COL5A1: variants seen among roughly 807,000 people sequenced by gnomAD.
COL5A1 encodes the protein collagen alpha-1(V) chain.
COL5A1 carries 16 observed loss-of-function variants against 263.7 expected under a neutral mutation model. That is an observed-to-expected ratio of 0.06 (90% CI 0.04 to 0.09). The LOEUF (loss-of-function observed/expected upper bound fraction) is 0.09. Ranked by LOEUF, COL5A1 falls within the 10% of genes least tolerant of loss-of-function variation. The pLI, the probability that COL5A1 is intolerant of heterozygous loss-of-function variation, is 1.00. For synonymous variants in COL5A1, 1,012 were observed against 1,004.5 expected (o/e 1.01, Z -0.14); for missense variants, 2,036 against 2,540.5 (o/e 0.80, Z 4.27).
intron 37 of COL5A1, among the ~76,000 whole-genome samples, chr9:134,800,749 CAAAAAAAAAAAAA>C (rs397951217): frequency 1.2e-5 from 1 of 81,602 alleles, no homozygotes; most frequent in South Asian, 6.1e-4. Context: ...CTGTCTCAAA[CAAAAAAAAAAAAA>C]AAAAAAAAAA....
At position 134,818,950 on chromosome 9, in the gene COL5A1, A is replaced by C. The variant is rs916702411; in HGVS notation, c.4392+49A>C. ...GCATAGCGGGTGGGATGACTTCGCC[A>C]CCCAAAGCCCCAAGGATGAGGACTC... On this transcript the variant is annotated intron_variant, in intron 56 of 65. Transcript: ENST00000371817. This position sits in a 1 kb window ranked among gnomAD's most constrained non-coding sequence, Gnocchi z 6.0. The C allele has an allele frequency of 4.3e-6, 7 of 1,613,086 alleles. No homozygotes were observed. Among genetic ancestry groups the C allele is most frequent in the Non-Finnish European group, 5.9e-6 (7 of 1,179,782 alleles).
rs113810157 is a variant in COL5A1 at position 134,829,848 on chromosome 9, C to A, written c.5068-128C>A. ...ACTGAAGGCGCTCGGTGGGTCCTCCCTGCAGCCCCCCCGGCGTGAGGATGC... is the reference window on the plus strand; with the variant it reads ...ACTGAAGGCGCTCGGTGGGTCCTCCATGCAGCCCCCCCGGCGTGAGGATGC... On this transcript the variant is annotated intron_variant, in intron 63 of 65. Transcript: ENST00000371817. 2.8e-3 allele frequency: 2,938 copies of A among 1,051,692 alleles called. 50 individuals are homozygous for A. In the African/African-American group the frequency reaches 0.04, roughly 14 times the overall value. The allele number at this position is 1,051,692 out of a possible 1,614,324, so 65.1% of individuals were successfully genotyped here.
Position 134,756,806 on chromosome 9 carries a change from A to G in COL5A1, c.1869A>G (p.Gln623=). 6.2e-7 allele frequency: 1 copy of G among 1,613,998 alleles called. No homozygotes were observed. The highest frequency in any genetic ancestry group is 8.5e-7 in the Non-Finnish European group (1 of 1,179,996). Residue 623 remains glutamine, a synonymous_variant, in exon 17 of 66, where the codon CAA becomes CAG. Coordinates refer to ENST00000371817, the MANE Select transcript of COL5A1 (RefSeq NM_000093.5). The part of the protein sequence containing the change: ...GSDGARGMPG[Q]TGPKGDRGFD... ...ATGGAGCCAGAGGAATGCCTGGACA[A>G]ACTGGCCCCAAGGTAGGTCACCCAC...
intron 30 of COL5A1, 66 bp downstream of exon 30, chr9:134,785,162 C>T (rs1010647999): frequency 3.2e-5 from 44 of 1,364,118 alleles, no homozygotes; most frequent in East Asian, 4.6e-5. Context: ...CCCATGGCCT[C>T]GGGCTCCCGT....
In COL5A1 at chr9:134,700,764, C is replaced by T. The variant is rs879771661; in HGVS notation, c.492-407C>T. Among the ~76,000 whole-genome samples, 6 of 152,202 alleles carry T rather than the reference C, an allele frequency of 3.9e-5. No homozygotes were observed. Among genetic ancestry groups the T allele is most frequent in the African/African-American group, 7.2e-5 (3 of 41,440 alleles). Reference sequence around the variant, plus strand: ...GTTCAGAGGGCACGTGACAAGTGCTCGCATGCACACAGCAAAATACAACGG... The same window carrying T: ...GTTCAGAGGGCACGTGACAAGTGCTTGCATGCACACAGCAAAATACAACGG... On this transcript the variant is annotated intron_variant, in intron 3 of 65. Coordinates refer to ENST00000371817, the MANE Select transcript of COL5A1 (RefSeq NM_000093.5). This position sits in a 1 kb window ranked among gnomAD's most constrained non-coding sequence, Gnocchi z 4.0.
Position 134,819,989 on chromosome 9 carries a change from C to T in COL5A1, c.4447-127C>T, listed in dbSNP as rs1838928717. The T allele has an allele frequency of 2.5e-6, 2 of 799,032 alleles. 1 individual carries two copies. The highest frequency in any genetic ancestry group is 4.5e-4 in the Middle Eastern group (2 of 4,472). 49.5% of individuals were successfully genotyped at this position (799,032 alleles called of 1,614,324 possible). A position where few individuals can be genotyped will look rare whatever the true frequency, so the allele number is the denominator to read the frequency against. ...CCCTCTGTTGAGCCTGTTCCCCTTC[C>T]AGGGGAGGCTGACCATGATGTAAAG... On this transcript the variant is annotated intron_variant, in intron 57 of 65. Transcript: ENST00000371817.
chr9:134,689,510 TCAAA>T (rs1833197817), intron 1 of COL5A1, among the ~76,000 whole-genome samples: 1 of 152,164 alleles, frequency 6.6e-6, no homozygotes, highest in African/African-American at 2.4e-5. Flanking sequence ...ATCCAGCTAC[TCAAA>T]CAGTGTGGCC....
chr9:134,770,431 T>C (rs1836830300), intron 25 of COL5A1, among the ~76,000 whole-genome samples: 1 of 152,026 alleles, frequency 6.6e-6, no homozygotes, highest in African/African-American at 2.4e-5. Context: ...GCTGGGGAAA[T>C]GGTTAAGTGA....
At chr9:134,713,544 G>A (rs768913064) in intron 4 of COL5A1, among the ~76,000 whole-genome samples, 8 of 152,202 alleles carry the variant, frequency 5.3e-5, no homozygotes, top group Non-Finnish European at 8.8e-5. Flanking sequence ...CTATGTTCTC[G>A]AACTGAGAAA....
At chr9:134,800,348 T>C (rs970697397) in intron 37 of COL5A1, among the ~76,000 whole-genome samples, 16 of 152,168 alleles carry the variant, frequency 1.1e-4, no homozygotes, top group African/African-American at 3.9e-4. Context: ...CATCCACCGT[T>C]CCTTACTTCT....
chr9:134,699,526 C>T (rs943647870), intron 2 of COL5A1, among the ~76,000 whole-genome samples: 4 of 146,874 alleles, frequency 2.7e-5, no homozygotes, highest in South Asian at 2.4e-4. Context: ...CCTCATGGAG[C>T]GTACTAAGAC....
At chr9:134,691,963 C>T (rs536586844) in intron 2 of COL5A1, 5 of 152,330 alleles carry the variant, frequency 3.3e-5, no homozygotes, top group South Asian at 4.1e-4. Flanking sequence ...TTCTGATGAT[C>T]GTGTCCCCAC....
intron 9 of COL5A1, among the ~76,000 whole-genome samples, chr9:134,737,402 G>A (rs1041507172): frequency 1.3e-5 from 2 of 152,234 alleles, no homozygotes; most frequent in African/African-American, 4.8e-5. Context: ...GAGGGGTGCA[G>A]GGCAGGGAAT....
Position 134,754,304 on chromosome 9 carries a change from C to T in COL5A1, c.1805C>T (p.Pro602Leu), listed in dbSNP as rs749007253. 37 of 1,613,906 alleles carry T rather than the reference C, an allele frequency of 2.3e-5. No individual in the cohort carries two copies. The highest frequency in any genetic ancestry group is 1.6e-4 in the Middle Eastern group (1 of 6,084). ...GPRGVQGPPG[P>L]AGKPGRRGRA... Reference sequence around the variant, plus strand: ...CGAGGTGTGCAAGGCCCGCCTGGTCCGGCCGGGAAGCCCGGAAGACGGGTG... The same window carrying T: ...CGAGGTGTGCAAGGCCCGCCTGGTCTGGCCGGGAAGCCCGGAAGACGGGTG... Residue 602 changes from proline (P) to leucine (L), a missense_variant, in exon 16 of 66, where the codon CCG (proline) becomes CTG (leucine). Physicochemically the swap from Pro to Leu is moderately conservative, Grantham distance 98 (BLOSUM62 -3). Coordinates refer to ENST00000371817, the MANE Select transcript of COL5A1 (RefSeq NM_000093.5). This position sits in a 1 kb window ranked among gnomAD's most constrained non-coding sequence, Gnocchi z 4.3.
chr9:134,643,489 CTT>C (rs1831371362), intron 1 of COL5A1, among the ~76,000 whole-genome samples: 2 of 152,312 alleles, frequency 1.3e-5, no homozygotes, highest in East Asian at 3.9e-4. Flanking sequence ...TTAAAACACT[CTT>C]TTCCTTTTTC....
chr9:134,751,037 C>G (rs978800226), intron 13 of COL5A1, among the ~76,000 whole-genome samples, 155 bp downstream of exon 13: 1 of 152,082 alleles, frequency 6.6e-6, no homozygotes, highest in African/African-American at 2.4e-5. Flanking sequence ...GCTGTGGGAG[C>G]GTCCAGTCCT....
intron 4 of COL5A1, among the ~76,000 whole-genome samples, chr9:134,722,656 C>T (rs1834506906): frequency 6.6e-6 from 1 of 152,200 alleles, no homozygotes; most frequent in African/African-American, 2.4e-5. Flanking sequence ...GTCAAATTGC[C>T]AGTTGAAAGG....
At chr9:134,748,149 T>C (rs957889311) in intron 11 of COL5A1, among the ~76,000 whole-genome samples, 14 of 148,968 alleles carry the variant, frequency 9.4e-5, no homozygotes, top group Non-Finnish European at 2.1e-4. Context: ...ACACATGCAT[T>C]CACACATTCC....
At chr9:134,688,876 G>C (rs1833170909) in intron 1 of COL5A1, among the ~76,000 whole-genome samples, 1 of 152,168 alleles carries the variant, frequency 6.6e-6, no homozygotes, top group Non-Finnish European at 1.5e-5. Flanking sequence ...GGATGGGGAG[G>C]GGCTTCATGA....
Sources: allele counts gnomAD v4.1 joint callset (sites outside exome capture counted in the v4.1 genomes callset), GRCh38; gene constraint gnomAD v4.1.1; non-coding constraint Gnocchi (gnomAD v3.1); transcripts MANE v1.5; gene names NCBI Gene and HGNC (gene_info 2026-07-23, HGNC 2026-07-21).